EIF4G2: variants seen among roughly 807,000 people sequenced by gnomAD.
EIF4G2 encodes DAP-5.
EIF4G2 carries 8 observed loss-of-function variants against 117.7 expected under a neutral mutation model. The ratio of observed to expected loss-of-function variants is 0.07; its 90% CI spans 0.04 to 0.12. The LOEUF is 0.12. Ranked by LOEUF, EIF4G2 falls within the 10% of genes least tolerant of loss-of-function variation. The probability of loss-of-function intolerance (pLI) is 1.00; values close to 1 mark genes in which losing one functional copy is unlikely to be tolerated. For synonymous variants in EIF4G2, 413 were observed against 367.8 expected (o/e 1.12, Z -1.41); for missense variants, 812 against 1,086.2 (o/e 0.75, Z 3.55).
In EIF4G2 at chr11:10,803,024, T is replaced by C; in HGVS notation, c.996+6A>G. 6.2e-7 allele frequency: 1 copy of C among 1,606,034 alleles called. No individual in the cohort carries two copies. ...ATGTGACAAACAAAACAAAACCCAA[T>C]CTTACTTTTACTGCATCTTGACGAA... On this transcript the variant is annotated splice_donor_region_variant and intron_variant, in intron 11 of 21. Coordinates refer to ENST00000339995, the MANE Select transcript of EIF4G2 (RefSeq NM_001418.4). The surrounding 1 kb of genome is among the most constrained non-coding windows in gnomAD (Gnocchi z 4.0).
intron 21 of EIF4G2, among the ~76,000 whole-genome samples, chr11:10,798,268 T>C (rs1847315852): frequency 6.6e-6 from 1 of 152,240 alleles, no homozygotes; most frequent in Non-Finnish European, 1.5e-5. Flanking sequence ...TAAACTGCTC[T>C]TCAGGTGATT....
chr11:10,800,087 T>C lies in EIF4G2; in HGVS notation c.2119+3A>G. ...CAAAACAAACAAGTCAGCATTCTCT[T>C]ACCTGGGAGCATTTTCTGCATATTG... On this transcript the variant is annotated splice_donor_region_variant and intron_variant, in intron 18 of 21. Transcript: ENST00000339995. 1 of 1,611,820 alleles carries C rather than the reference T, an allele frequency of 6.2e-7. No homozygotes were observed. The highest frequency in any genetic ancestry group is 8.5e-7 in the Non-Finnish European group (1 of 1,178,942).
In EIF4G2 at chr11:10,797,917, G is replaced by T; in HGVS notation, c.2659-36C>A. 6.3e-7 allele frequency: 1 copy of T among 1,597,840 alleles called. No individual in the cohort carries two copies. The highest frequency in any genetic ancestry group is 8.6e-7 in the Non-Finnish European group (1 of 1,168,434). On this transcript the variant is annotated intron_variant, in intron 21 of 21. Coordinates refer to ENST00000339995, the MANE Select transcript of EIF4G2 (RefSeq NM_001418.4). This position sits in a 1 kb window ranked among gnomAD's most constrained non-coding sequence, Gnocchi z 4.5. ...AGATTTGTAAATTAAAATAGTTCAT[G>T]ATATAAACAGAAATCCATCCAAAAA...
rs771437042 is a variant in EIF4G2 at position 10,803,178 on chromosome 11, G to C, written c.897+33C>G. 3 of 1,608,220 alleles carry C rather than the reference G, an allele frequency of 1.9e-6. No individual in the cohort carries two copies. In the South Asian group the frequency reaches 3.4e-5, roughly 18 times the overall value. On this transcript the variant is annotated intron_variant, in intron 10 of 21. Transcript: ENST00000339995. This position sits in a 1 kb window ranked among gnomAD's most constrained non-coding sequence, Gnocchi z 4.0. ...TTAATATTCCTAAACCAAAAACTCA[G>C]CTTACCAACAAATTTAAAGAAACCA...
At chr11:10,801,186 G>A (rs931987928) in intron 14 of EIF4G2, 99 bp from the exon 15 acceptor site, 1 of 1,502,060 alleles carries the variant, frequency 6.7e-7, no homozygotes. Context: ...AGAATCTAGG[G>A]AAACATTAAG....
At chr11:10,805,457 AT>A (rs34032776) in intron 4 of EIF4G2, among the ~76,000 whole-genome samples, 43 of 148,676 alleles carry the variant, frequency 2.9e-4, no homozygotes, top group African/African-American at 6.0e-4. Context: ...TTCAAGATAC[AT>A]TTTTTTTTTT....
In EIF4G2 at chr11:10,801,679, T is replaced by C; in HGVS notation, c.1395A>G (p.Gly465=). 6.2e-7 allele frequency: 1 copy of C among 1,614,162 alleles called. No homozygotes were observed. Among genetic ancestry groups the C allele is most frequent in the Non-Finnish European group, 8.5e-7 (1 of 1,179,998 alleles). Reference sequence around the variant, plus strand: ...AATGTACCTCATCTGCATTAAGCTGTCCTTTCTTAGAAAACCGAGGTGGCA... The same window carrying C: ...AATGTACCTCATCTGCATTAAGCTGCCCTTTCTTAGAAAACCGAGGTGGCA... Residue 465 remains glycine (G), a synonymous_variant, in exon 14 of 22, where the codon GGA becomes GGG. Transcript: ENST00000339995.
At chr11:10,798,321 A>C (rs1447640016) in intron 21 of EIF4G2, among the ~76,000 whole-genome samples, 1 of 152,214 alleles carries the variant, frequency 6.6e-6, no homozygotes, top group African/African-American at 2.4e-5. Flanking sequence ...CTACAAGTTC[A>C]TTCAATAAGA....
Position 10,799,627 on chromosome 11 carries a change from A to G in EIF4G2, c.2249T>C (p.Ile750Thr), listed in dbSNP as rs770994508. The change falls in exon 19 of 22, where the codon ATA (isoleucine) becomes ACA (threonine). Residue 750 changes from isoleucine to threonine, a missense_variant. Coordinates refer to ENST00000339995, the MANE Select transcript of EIF4G2 (RefSeq NM_001418.4). Reference sequence around the variant, plus strand: ...GATGTTATCTTTAATCCATTTATATATGGTTTGAGGGGATGGATCCAACTT... The same window carrying G: ...GATGTTATCTTTAATCCATTTATATGTGGTTTGAGGGGATGGATCCAACTT... 13 of 1,614,128 alleles carry G rather than the reference A, an allele frequency of 8.1e-6. No individual in the cohort carries two copies. Among genetic ancestry groups the G allele is most frequent in the Non-Finnish European group, 1.1e-5 (13 of 1,180,000 alleles).
At chr11:10,800,890 G>A (rs1459129751) in intron 15 of EIF4G2, 55 bp from the exon 16 acceptor site, 2 of 1,611,938 alleles carry the variant, frequency 1.2e-6, no homozygotes, top group Non-Finnish European at 1.7e-6. Flanking sequence ...GAAATTAGGG[G>A]GAAGAACACA....
At position 10,803,675 on chromosome 11, in the gene EIF4G2, A is replaced by G; in HGVS notation, c.703-85T>C. 7.9e-7 allele frequency: 1 copy of G among 1,262,682 alleles called. No individual in the cohort carries two copies. Among genetic ancestry groups the G allele is most frequent in the Non-Finnish European group, 1.1e-6 (1 of 881,048 alleles). The allele number at this position is 1,262,682 out of a possible 1,614,324, so 78.2% of individuals were successfully genotyped here. Reference sequence around the variant, plus strand: ...TTTCTTTCCCTTTATGTTTGCACTGACTCATTCACAGTTCCTACAGAATCT... The same window carrying G: ...TTTCTTTCCCTTTATGTTTGCACTGGCTCATTCACAGTTCCTACAGAATCT... On this transcript the variant is annotated intron_variant, in intron 8 of 21. Coordinates refer to ENST00000339995, the MANE Select transcript of EIF4G2 (RefSeq NM_001418.4). This position sits in a 1 kb window ranked among gnomAD's most constrained non-coding sequence, Gnocchi z 4.0.
chr11:10,799,878 A>G, intron 18 of EIF4G2, 122 bp from the exon 19 acceptor site: 2 of 1,274,290 alleles, frequency 1.6e-6, no homozygotes, highest in South Asian at 1.5e-5. Context: ...AGAATAGAGA[A>G]CCAACCCAGC....
chr11:10,803,659 C>T lies in EIF4G2; in HGVS notation c.703-69G>A. The T allele has an allele frequency of 7.1e-7, 1 of 1,402,746 alleles. No homozygotes were observed. Among genetic ancestry groups the T allele is most frequent in the South Asian group, 1.2e-5 (1 of 85,692 alleles). The allele number at this position is 1,402,746 out of a possible 1,614,324, so 86.9% of individuals were successfully genotyped here. A position where few individuals can be genotyped will look rare whatever the true frequency, so the allele number is the denominator to read the frequency against. ...GGTTTAGGCGTAGTACTTTCTTTCC[C>T]TTTATGTTTGCACTGACTCATTCAC... On this transcript the variant is annotated intron_variant, in intron 8 of 21. Coordinates refer to ENST00000339995, the MANE Select transcript of EIF4G2 (RefSeq NM_001418.4). The surrounding 1 kb of genome is among the most constrained non-coding windows in gnomAD (Gnocchi z 4.0).
chr11:10,804,416 A>C lies in EIF4G2; in HGVS notation c.354T>G (p.Ile118Met). 6.3e-7 allele frequency: 1 copy of C among 1,575,396 alleles called. No homozygotes were observed. Among genetic ancestry groups the C allele is most frequent in the Non-Finnish European group, 8.6e-7 (1 of 1,162,704 alleles). Residue 118 changes from isoleucine to methionine, a missense_variant and splice_region_variant, in exon 6 of 22, where the codon ATT becomes ATG. Coordinates refer to ENST00000339995, the MANE Select transcript of EIF4G2 (RefSeq NM_001418.4). The stretch of plus-strand genomic sequence containing the variant: ...TTGGCTCTTCTAGGGCTTTGTCCAC[A>C]ATCTACAGAAAATGTCATTGCTTAA...
chr11:10,799,119 A>T lies in EIF4G2; in HGVS notation c.2537-6T>A, dbSNP rs770321685. The T allele has an allele frequency of 1.3e-6, 1 of 746,304 alleles. No homozygotes were observed. Among genetic ancestry groups the T allele is most frequent in the Admixed American group, 3.6e-5 (1 of 27,572 alleles). The allele number at this position is 746,304 out of a possible 1,614,324, so 46.2% of individuals were successfully genotyped here. A position where few individuals can be genotyped will look rare whatever the true frequency, so the allele number is the denominator to read the frequency against. ...AAAAAAGCGAAGTAACATGCCTTAA[A>T]AAAAAAAAAAAAAAGAAAAAAGTAA... is the stretch of plus-strand genomic sequence containing the variant. On this transcript the variant is annotated splice_polypyrimidine_tract_variant and splice_region_variant and intron_variant, in intron 20 of 21. Transcript: ENST00000339995.
chr11:10,799,872 T>C lies in EIF4G2; in HGVS notation c.2120-116A>G, dbSNP rs978571321. The C allele has an allele frequency of 1.1e-4, 137 of 1,301,296 alleles. No homozygotes were observed. In the African/African-American group the frequency reaches 1.2e-3, roughly 11 times the overall value. 80.6% of individuals were successfully genotyped at this position (1,301,296 alleles called of 1,614,324 possible). A position where few individuals can be genotyped will look rare whatever the true frequency, so the allele number is the denominator to read the frequency against. On this transcript the variant is annotated intron_variant, in intron 18 of 21. Transcript: ENST00000339995. ...AGTATGTAAGATCCATGTAGCAGAA[T>C]AGAGAACCAACCCAGCAAATGAAAA...
At position 10,801,712 on chromosome 11, in the gene EIF4G2, C is replaced by T. The variant is rs764998559; in HGVS notation, c.1362G>A (p.Ser454=). 9.9e-6 allele frequency: 16 copies of T among 1,614,020 alleles called. No homozygotes were observed. The highest frequency in any genetic ancestry group is 2.2e-5 in the East Asian group (1 of 44,886). The change falls in exon 14 of 22, where the codon TCG becomes TCA. Residue 454 remains serine (S), a synonymous_variant. Coordinates refer to ENST00000339995, the MANE Select transcript of EIF4G2 (RefSeq NM_001418.4). ...TAGAAAACCGAGGTGGCATATCCTT[C>T]GACTGTCCTTGCAGCTGGGATAAGA...
At position 10,804,371 on chromosome 11, in the gene EIF4G2, A is replaced by C; in HGVS notation, c.399T>G (p.Ala133=). 1 of 1,614,048 alleles carries C rather than the reference A, an allele frequency of 6.2e-7. No homozygotes were observed. Residue 133 remains alanine, a synonymous_variant, in exon 6 of 22, where the codon GCT becomes GCG. Coordinates refer to ENST00000339995, the MANE Select transcript of EIF4G2 (RefSeq NM_001418.4). ...CTTCTGCCAATCGCAGACATAGCTG[A>C]GCATACAGTGAGCTATACTTTGGCT...
intron 1 of EIF4G2, chr11:10,807,668 T>C: frequency 8.8e-6 from 9 of 1,021,748 alleles, no homozygotes; most frequent in Non-Finnish European, 1.1e-5. Flanking sequence ...AACTGAGCAC[T>C]GAGATCAATA....
Sources: allele counts gnomAD v4.1 joint callset (sites outside exome capture counted in the v4.1 genomes callset), GRCh38; gene constraint gnomAD v4.1.1; non-coding constraint Gnocchi (gnomAD v3.1); transcripts MANE v1.5; gene names NCBI Gene and HGNC (gene_info 2026-07-23, HGNC 2026-07-21).